Variants in PPEF2 observed in about 807,000 individuals in gnomAD.
PPEF2 encodes the protein protein phosphatase with EF-hand domain 2.
PPEF2 carries 84 observed loss-of-function variants against 84.7 expected under a neutral mutation model. The observed-to-expected ratio is 0.99, with a 90% CI of 0.83 to 1.19. PPEF2 has a LOEUF of 1.19. PPEF2 is among the 50% of genes most tolerant of loss of function. PPEF2 has a pLI of 0.00. For synonymous variants in PPEF2, 346 were observed against 345.2 expected (o/e 1.00, Z -0.03); for missense variants, 924 against 937.5 (o/e 0.99, Z 0.19).
chr4:75,880,026 C>T (rs1387919330), intron 10 of PPEF2, among the ~76,000 whole-genome samples: 1 of 151,982 alleles, frequency 6.6e-6, no homozygotes, highest in Admixed American at 6.6e-5. Context: ...ACGGGGGTTT[C>T]ACCATGTTGG....
At position 75,860,553 on chromosome 4, in the gene PPEF2, T is replaced by C. The variant is rs555470943; in HGVS notation, c.*114A>G. The C allele has an allele frequency of 7.4e-5, 98 of 1,323,988 alleles. No individual in the cohort carries two copies. The African/African-American group carries it at 1.3e-3, about 17-fold the overall frequency. The allele number at this position is 1,323,988 out of a possible 1,614,324, so 82.0% of individuals were successfully genotyped here. On this transcript the variant is annotated 3_prime_UTR_variant, in exon 17 of 17. Transcript: ENST00000286719. ...GAAATACACAGGTGATTCTGATGCA[T>C]ATGGATAGGTAAATTTTCAGCATAA...
Position 75,864,524 on chromosome 4 carries a change from T to A in PPEF2, c.1924A>T (p.Ile642Leu), listed in dbSNP as rs1311824136. Residue 642 changes from isoleucine to leucine, a missense_variant, in exon 16 of 17, where the codon ATA becomes TTA. Physicochemically the swap from Ile to Leu is conservative, Grantham distance 5. Coordinates refer to ENST00000286719, the MANE Select transcript of PPEF2 (RefSeq NM_006239.3). ...AATGTTTCCAGCAAACTTGATTGTA[T>A]GTTCTGCAAGAAAAAATTCATTTTC... ...LAKEQLSRENIQSSLLETLYR... is the reference protein window; with the variant it reads ...LAKEQLSRENLQSSLLETLYR... 1 of 1,610,220 alleles carries A rather than the reference T, an allele frequency of 6.2e-7. No individual in the cohort carries two copies. Among genetic ancestry groups the A allele is most frequent in the South Asian group, 1.1e-5 (1 of 90,984 alleles).
At chr4:75,869,391 AT>A (rs1236971698) in intron 13 of PPEF2, among the ~76,000 whole-genome samples, 2 of 152,192 alleles carry the variant, frequency 1.3e-5, no homozygotes, top group Non-Finnish European at 2.9e-5. Context: ...CATTATGCCC[AT>A]TACAGACAGA....
intron 10 of PPEF2, among the ~76,000 whole-genome samples, chr4:75,881,114 T>TTC (rs1330842273): frequency 1.3e-5 from 2 of 150,086 alleles, no homozygotes; most frequent in Non-Finnish European, 3.0e-5. Context: ...TTTTTTTTTT[T>TTC]TTTGACATGG....
At position 75,860,542 on chromosome 4, in the gene PPEF2, A is replaced by C; in HGVS notation, c.*125T>G. 9 of 1,117,496 alleles carry C rather than the reference A, an allele frequency of 8.1e-6. No homozygotes were observed. Among genetic ancestry groups the C allele is most frequent in the Middle Eastern group, 3.0e-4 (1 of 3,374 alleles). 69.2% of individuals were successfully genotyped at this position (1,117,496 alleles called of 1,614,324 possible). On this transcript the variant is annotated 3_prime_UTR_variant, in exon 17 of 17. Transcript: ENST00000286719. ...CCCTCCACACTGAAATACACAGGTG[A>C]TTCTGATGCATATGGATAGGTAAAT...
At chr4:75,894,141 G>C (rs753239344) in intron 2 of PPEF2, among the ~76,000 whole-genome samples, 9 of 152,062 alleles carry the variant, frequency 5.9e-5, no homozygotes, top group Non-Finnish European at 7.4e-5. Context: ...TGCACAGTAG[G>C]GTATGGGAGA....
chr4:75,882,737 A>G (rs1410236297), intron 10 of PPEF2, 189 bp downstream of exon 10: 10 of 554,790 alleles, frequency 1.8e-5, no homozygotes, highest in Non-Finnish European at 2.7e-5. Flanking sequence ...GGTCTCAAGC[A>G]ATCTTCCTGT....
rs766474177 is a variant in PPEF2, at chr4:75,860,859, G to A, written c.2070C>T (p.Ile690=). 2.4e-5 allele frequency: 38 copies of A among 1,614,050 alleles called. No homozygotes were observed. Among genetic ancestry groups the A allele is most frequent in the African/African-American group, 1.5e-4 (11 of 74,916 alleles). Reference sequence around the variant, plus strand: ...CACAGATGCAGTCATCTGTAATGTCGATATTCATGTGAGAGCTGAACAGCT... The same window carrying A: ...CACAGATGCAGTCATCTGTAATGTCAATATTCATGTGAGAGCTGAACAGCT... ...TWKLFSSHMN[I]DITDDCICDL... Residue 690 remains isoleucine, a synonymous_variant, in exon 17 of 17, where the codon ATC becomes ATT. Transcript: ENST00000286719.
chr4:75,866,446 A>C, intron 14 of PPEF2, 94 bp from the exon 15 acceptor site: 1 of 1,447,876 alleles, frequency 6.9e-7, no homozygotes, highest in Non-Finnish European at 9.5e-7. Context: ...CCTTCTTACT[A>C]TCTGCAGGTA....
intron 1 of PPEF2, among the ~76,000 whole-genome samples, chr4:75,900,792 A>G (rs1056960846): frequency 6.6e-6 from 1 of 152,210 alleles, no homozygotes; most frequent in Non-Finnish European, 1.5e-5. Flanking sequence ...AACAAAATAC[A>G]TCATGATGCT....
intron 7 of PPEF2, among the ~76,000 whole-genome samples, chr4:75,885,954 A>G (rs558148103): frequency 6.6e-6 from 1 of 152,142 alleles, no homozygotes; most frequent in South Asian, 2.1e-4. Context: ...GGTTGCAGTG[A>G]GCCGAGATCG....
intron 10 of PPEF2, 81 bp from the exon 11 acceptor site, chr4:75,876,754 C>A: frequency 7.0e-7 from 1 of 1,433,402 alleles, no homozygotes; most frequent in South Asian, 1.5e-5. Flanking sequence ...TCCTGTAATC[C>A]TAGAACTTTG....
Position 75,889,981 on chromosome 4 carries a change from C to G in PPEF2, c.393G>C (p.Leu131=), listed in dbSNP as rs146341621. ...CTTGTTTCAGTCTGAATGCTTCTAC[C>G]AGGGCAGTTGCATGGTCAGGCAGGA... ...FPLLPDHATA[L]VEAFRLKQQL... is the part of the protein sequence containing the mutation. The change falls in exon 5 of 17, where the codon CTG becomes CTC. Residue 131 remains leucine (L), a synonymous_variant. Coordinates refer to ENST00000286719, the MANE Select transcript of PPEF2 (RefSeq NM_006239.3). The G allele has an allele frequency of 2.5e-6, 4 of 1,614,140 alleles. No individual in the cohort carries two copies. The highest frequency in any genetic ancestry group is 3.4e-6 in the Non-Finnish European group (4 of 1,180,014).
intron 10 of PPEF2, among the ~76,000 whole-genome samples, chr4:75,877,674 T>TCG (rs1228236451): frequency 3.0e-3 from 183 of 61,424 alleles, no homozygotes; most frequent in African/African-American, 7.7e-3. Context: ...TCCTTTCTCT[T>TCG]TTTTTTTTTT....
chr4:75,887,996 A>G (rs1263283253), intron 6 of PPEF2, among the ~76,000 whole-genome samples: 2 of 152,244 alleles, frequency 1.3e-5, no homozygotes, highest in Non-Finnish European at 2.9e-5. Flanking sequence ...GGGAAAATAA[A>G]GCAGAGGCTG....
At chr4:75,884,832 G>A in intron 7 of PPEF2, 72 bp from the exon 8 acceptor site, 1 of 1,287,250 alleles carries the variant, frequency 7.8e-7, no homozygotes, top group Non-Finnish European at 1.1e-6. Flanking sequence ...AAACCAATAG[G>A]CATTTGACAA....
At chr4:75,890,164 T>C in intron 4 of PPEF2, 32 bp from the exon 5 acceptor site, 1 of 1,608,018 alleles carries the variant, frequency 6.2e-7, no homozygotes, top group Non-Finnish European at 8.5e-7. Context: ...GATCAGCTTA[T>C]GATCATCTGA....
At chr4:75,868,292 G>GACAACCAGAATGA (rs1724182472) in intron 13 of PPEF2, among the ~76,000 whole-genome samples, 1 of 55,854 alleles carries the variant, frequency 1.8e-5, no homozygotes, top group Non-Finnish European at 3.7e-5. Flanking sequence ...CTCCAGCCTG[G>GACAACCAGAATGA]GTGAAAAAGT....
At chr4:75,875,819 G>A (rs983071267) in intron 11 of PPEF2, among the ~76,000 whole-genome samples, 2 of 152,040 alleles carry the variant, frequency 1.3e-5, no homozygotes, top group Non-Finnish European at 2.9e-5. Flanking sequence ...GGTTTGGGGT[G>A]GCAGGGTGCC....
Sources: allele counts gnomAD v4.1 joint callset (sites outside exome capture counted in the v4.1 genomes callset), GRCh38; gene constraint gnomAD v4.1.1; transcripts MANE v1.5; gene names NCBI Gene and HGNC (gene_info 2026-07-23, HGNC 2026-07-21).